LRRC4C: variants seen among roughly 807,000 people sequenced by gnomAD.
LRRC4C encodes the protein leucine-rich repeat-containing protein 4C.
LRRC4C carries 5 observed loss-of-function variants against 33.6 expected under a neutral mutation model. That is an observed-to-expected ratio of 0.15 (90% confidence interval 0.08 to 0.31). LRRC4C has a LOEUF of 0.31. Ranked by LOEUF, LRRC4C falls within the 10% of genes least tolerant of loss-of-function variation. The pLI is 1.00. For synonymous variants in LRRC4C, 329 were observed against 302.0 expected, an observed-to-expected ratio of 1.09 and a Z score of -0.93; for missense variants, 560 against 796.7, an observed-to-expected ratio of 0.70 and a Z score of 3.58.
At chr11:40,665,362 A>ATG (rs1397169061) in intron 2 of LRRC4C, among the ~76,000 whole-genome samples, 1 of 13,956 alleles carries the variant, frequency 7.2e-5, no homozygotes, top group African/African-American at 2.1e-4. Context: ...ATATATATAT[A>ATG]TGTATATATA....
chr11:41,200,747 A>T (rs928734189), intron 1 of LRRC4C, among the ~76,000 whole-genome samples: 4 of 152,098 alleles, frequency 2.6e-5, no homozygotes, highest in African/African-American at 9.7e-5. Context: ...CCCAAAAACT[A>T]TTTTCTTTTA....
intron 5 of LRRC4C, among the ~76,000 whole-genome samples, chr11:40,153,188 A>T (rs939077073): frequency 6.6e-6 from 1 of 152,182 alleles, no homozygotes; most frequent in African/African-American, 2.4e-5. Context: ...CAGAAGAAAG[A>T]CAACAATCAC....
At chr11:40,205,828 A>G (rs1863105410) in intron 5 of LRRC4C, among the ~76,000 whole-genome samples, 1 of 152,190 alleles carries the variant, frequency 6.6e-6, no homozygotes. Flanking sequence ...TGACCCTGAG[A>G]GGCCCGCTTG....
chr11:40,333,233 G>A (rs1946440593), intron 3 of LRRC4C, among the ~76,000 whole-genome samples: 1 of 152,048 alleles, frequency 6.6e-6, no homozygotes, highest in African/African-American at 2.4e-5. Context: ...TAGTGGGTAT[G>A]TGGAATTATT....
intron 1 of LRRC4C, among the ~76,000 whole-genome samples, chr11:41,035,697 A>C (rs1857023650): frequency 6.6e-6 from 1 of 152,200 alleles, no homozygotes; most frequent in African/African-American, 2.4e-5. Context: ...ATTGGGAATA[A>C]TACATTTTCT....
At chr11:40,745,513 A>C (rs1948373357) in intron 2 of LRRC4C, among the ~76,000 whole-genome samples, 1 of 152,236 alleles carries the variant, frequency 6.6e-6, no homozygotes, top group Admixed American at 6.5e-5. Context: ...CTAGATTTAA[A>C]TAACGACTGA....
chr11:40,455,054 T>C (rs1952068907), intron 3 of LRRC4C, among the ~76,000 whole-genome samples: 1 of 152,080 alleles, frequency 6.6e-6, no homozygotes, highest in Non-Finnish European at 1.5e-5. Flanking sequence ...GTCATGTATG[T>C]CACAACAATG....
intron 2 of LRRC4C, among the ~76,000 whole-genome samples, chr11:40,680,352 G>A (rs1330295471): frequency 6.6e-6 from 1 of 152,108 alleles, no homozygotes; most frequent in Non-Finnish European, 1.5e-5. Flanking sequence ...GTTGAGACTG[G>A]GGGACTGTTG....
intron 1 of LRRC4C, among the ~76,000 whole-genome samples, chr11:40,952,849 AACACACACACAC>A (rs56684958): frequency 0.021 from 2,356 of 112,682 alleles, 37 homozygotes; most frequent in Middle Eastern, 0.031. Context: ...TCTATTTCCA[AACACACACACAC>A]ACACACACAC....
chr11:40,433,369 A>C (rs1188594423), intron 3 of LRRC4C, among the ~76,000 whole-genome samples: 1 of 152,268 alleles, frequency 6.6e-6, no homozygotes, highest in Middle Eastern at 3.4e-3. Flanking sequence ...TGAGACACAA[A>C]AAGGTATTTT....
At chr11:41,015,065 G>C (rs1855482066) in intron 1 of LRRC4C, among the ~76,000 whole-genome samples, 1 of 152,144 alleles carries the variant, frequency 6.6e-6, no homozygotes, top group Non-Finnish European at 1.5e-5. Context: ...AATAGACTGG[G>C]ACGATAATCT....
intron 1 of LRRC4C, among the ~76,000 whole-genome samples, chr11:41,367,176 C>T (rs1214137654): frequency 3.9e-5 from 6 of 152,054 alleles, no homozygotes. Flanking sequence ...CTCTATATAG[C>T]TCAGTACATA....
At chr11:40,548,555 C>A (rs1489669310) in intron 3 of LRRC4C, among the ~76,000 whole-genome samples, 2 of 152,020 alleles carry the variant, frequency 1.3e-5, no homozygotes, top group Admixed American at 1.3e-4. Context: ...AACTGCCAGA[C>A]AAGAAATTTC....
chr11:40,546,025 A>C (rs1956898786), intron 3 of LRRC4C, among the ~76,000 whole-genome samples: 1 of 151,870 alleles, frequency 6.6e-6, no homozygotes, highest in African/African-American at 2.4e-5. Context: ...AATATATAAG[A>C]AAGCAATATG....
intron 2 of LRRC4C, among the ~76,000 whole-genome samples, chr11:40,780,131 T>C (rs1950159739): frequency 6.6e-6 from 1 of 152,130 alleles, no homozygotes; most frequent in Non-Finnish European, 1.5e-5. Context: ...TATTAAAAGA[T>C]ACACATCCAT....
intron 2 of LRRC4C, among the ~76,000 whole-genome samples, chr11:40,685,675 T>C (rs1944917045): frequency 6.6e-6 from 1 of 151,852 alleles, no homozygotes; most frequent in Non-Finnish European, 1.5e-5. Flanking sequence ...AGAATGAGGA[T>C]ATAGGCTGAG....
chr11:40,288,356 G>T (rs567812118), intron 4 of LRRC4C, among the ~76,000 whole-genome samples: 2 of 152,260 alleles, frequency 1.3e-5, no homozygotes, highest in East Asian at 3.9e-4. Flanking sequence ...AAATGCTTTT[G>T]CAATATTCAC....
intron 3 of LRRC4C, among the ~76,000 whole-genome samples, chr11:40,567,257 A>C (rs375970530): frequency 6.6e-6 from 1 of 152,272 alleles, no homozygotes; most frequent in East Asian, 1.9e-4. Context: ...CCTTTTCAAA[A>C]CACTTGGTAA....
At chr11:41,054,282 G>C in intron 1 of LRRC4C, among the ~76,000 whole-genome samples, 1 of 152,156 alleles carries the variant, frequency 6.6e-6, no homozygotes, top group Non-Finnish European at 1.5e-5. Flanking sequence ...TCTCTGCAGT[G>C]AAAATATTCA....
Sources: gnomAD v4.1 joint callset for allele counts (sites outside exome capture counted in the v4.1 genomes callset) on GRCh38, gnomAD v4.1.1 for gene constraint, MANE v1.5 for transcripts, NCBI Gene and HGNC (gene_info 2026-07-23, HGNC 2026-07-21) for gene names.